GMPS: variants seen among roughly 807,000 people sequenced by gnomAD.
GMPS encodes the protein guanosine monophosphate synthase.
Under a neutral mutation model 77.9 loss-of-function variants are expected in GMPS, and 15 were observed. That is an observed-to-expected ratio of 0.19 (90% CI 0.13 to 0.30). The LOEUF (loss-of-function observed/expected upper bound fraction) is 0.30. GMPS is among the 10% of genes least tolerant of loss of function. The probability of loss-of-function intolerance (pLI) is 1.00; values close to 1 mark genes in which losing one functional copy is unlikely to be tolerated. For synonymous variants in GMPS, 224 were observed against 275.9 expected, an observed-to-expected ratio of 0.81 and a Z score of 1.86; for missense variants, 590 against 838.8, an observed-to-expected ratio of 0.70 and a Z score of 3.66.
chr3:155,912,740 C>T (rs144647765), intron 7 of GMPS, among the ~76,000 whole-genome samples: 382 of 152,216 alleles, frequency 2.5e-3, no homozygotes, highest in African/African-American at 9.0e-3. Flanking sequence ...TGGTAACTGA[C>T]ATAGCAGAAT....
intron 1 of GMPS, among the ~76,000 whole-genome samples, chr3:155,880,013 A>G (rs374737389): frequency 6.6e-6 from 1 of 151,078 alleles, no homozygotes; most frequent in African/African-American, 2.4e-5. Flanking sequence ...ATTTTCTGCC[A>G]TTCTGTAGAT....
At position 155,941,735 on chromosome 3, in the gene GMPS, G is replaced by T; in HGVS notation, c.*4043G>T. On this transcript the variant is annotated 3_prime_UTR_variant, in exon 16 of 16. Transcript: ENST00000496455. ...CACATCTTTTGTTCTTACTGAAGTA[G>T]TTTAACACCACCAGATGATCAAGGG... The T allele has an allele frequency of 4.5e-6, 1 of 221,470 alleles. No homozygotes were observed. 13.7% of individuals were successfully genotyped at this position (221,470 alleles called of 1,614,324 possible). A position where few individuals can be genotyped will look rare whatever the true frequency, so the allele number is the denominator to read the frequency against.
At chr3:155,908,284 C>A (rs978111856) in intron 5 of GMPS, among the ~76,000 whole-genome samples, 1 of 152,224 alleles carries the variant, frequency 6.6e-6, no homozygotes, top group African/African-American at 2.4e-5. Context: ...GAAGTTCTCA[C>A]CCTTTGCAGG....
At chr3:155,898,551 A>G (rs1754656029) in intron 3 of GMPS, among the ~76,000 whole-genome samples, 1 of 152,204 alleles carries the variant, frequency 6.6e-6, no homozygotes, top group Non-Finnish European at 1.5e-5. Flanking sequence ...AATATCCCTT[A>G]TAGGCCACAG....
chr3:155,885,752 A>AT (rs1754320392), intron 1 of GMPS, among the ~76,000 whole-genome samples: 1 of 152,228 alleles, frequency 6.6e-6, no homozygotes, highest in Non-Finnish European at 1.5e-5. Flanking sequence ...TTTAACCTGT[A>AT]TATAGAAAGA....
rs528628279 is a variant in GMPS at position 155,933,616 on chromosome 3, C to T, written c.1677-1300C>T. Among the ~76,000 whole-genome samples the T allele has an allele frequency of 1.4e-4, 22 of 152,158 alleles. 1 individual carries two copies. The South Asian group carries it at 3.1e-3, about 22-fold the overall frequency. The stretch of plus-strand genomic sequence containing the variant: ...AGTTGGTGATACCGGTGGTTTTGTG[C>T]TAATATGGTTTTCTATTGTGTATTT... On this transcript the variant is annotated intron_variant, in intron 13 of 15. Transcript: ENST00000496455.
chr3:155,872,919 A>G (rs1232985156), intron 1 of GMPS, among the ~76,000 whole-genome samples: 2 of 152,214 alleles, frequency 1.3e-5, no homozygotes, highest in Non-Finnish European at 2.9e-5. Flanking sequence ...GATCATAAAC[A>G]TTTTAAGTAA....
At chr3:155,888,374 A>C (rs543151182) in intron 1 of GMPS, among the ~76,000 whole-genome samples, 1 of 152,006 alleles carries the variant, frequency 6.6e-6, no homozygotes, top group African/African-American at 2.4e-5. Flanking sequence ...TGAGCTGAGG[A>C]TGTCTTTCTT....
intron 1 of GMPS, among the ~76,000 whole-genome samples, chr3:155,881,929 G>A (rs1393629070): frequency 6.6e-6 from 1 of 152,158 alleles, no homozygotes; most frequent in Non-Finnish European, 1.5e-5. Context: ...AGCCAGGCAT[G>A]GTGGTGCATG....
rs527371683 is a variant in GMPS, at chr3:155,901,488, A to G, written c.325-2375A>G. ...TTTTACTTGTTTTCTGGTGTTATACATACACAAAATTTTCTCTAGGGTAAC... is the reference window on the plus strand; with the variant it reads ...TTTTACTTGTTTTCTGGTGTTATACGTACACAAAATTTTCTCTAGGGTAAC... On this transcript the variant is annotated intron_variant, in intron 3 of 15. Transcript: ENST00000496455. Among the ~76,000 whole-genome samples, 365 of 152,188 alleles carry G rather than the reference A, an allele frequency of 2.4e-3. 1 individual carries two copies. The highest frequency in any genetic ancestry group is 8.5e-3 in the African/African-American group (353 of 41,532).
intron 11 of GMPS, among the ~76,000 whole-genome samples, chr3:155,923,671 G>T (rs1329506362): frequency 2.0e-5 from 3 of 152,144 alleles, no homozygotes; most frequent in African/African-American, 7.2e-5. Context: ...AAGTTATTTC[G>T]AGATTAAATA....
Position 155,916,131 on chromosome 3 carries a change from A to G in GMPS, c.1151A>G (p.Lys384Arg). The G allele has an allele frequency of 1.2e-6, 2 of 1,613,694 alleles. No individual in the cohort carries two copies. The highest frequency in any genetic ancestry group is 1.1e-5 in the South Asian group (1 of 91,066). ...AGTGCATCCCTTGTTGCAAGTGGCA[A>G]AGCTGAACTCATCAAAACCCATCAC... ...IESASLVASG[K>R]AELIKTHHND... The change falls in exon 9 of 16, where the codon AAA (lysine) becomes AGA (arginine). Residue 384 changes from lysine (K) to arginine (R), a missense_variant. Around this residue, in one of 6 missense-constraint regions of GMPS, gnomAD observed 64 missense variants for 114.5 expected, o/e 0.56. Transcript: ENST00000496455.
chr3:155,908,428 C>G (rs576070372), intron 5 of GMPS, among the ~76,000 whole-genome samples: 4 of 152,218 alleles, frequency 2.6e-5, no homozygotes, highest in Non-Finnish European at 5.9e-5. Context: ...TTCCATTCCC[C>G]CTTACCCTTC....
At chr3:155,917,997 T>C (rs1036864212) in intron 9 of GMPS, among the ~76,000 whole-genome samples, 1 of 152,268 alleles carries the variant, frequency 6.6e-6, no homozygotes, top group Non-Finnish European at 1.5e-5. Context: ...CTGGATCATA[T>C]GGTAGTTCTC....
chr3:155,873,780 G>T (rs1014912523), intron 1 of GMPS, among the ~76,000 whole-genome samples: 1 of 151,494 alleles, frequency 6.6e-6, no homozygotes, highest in Non-Finnish European at 1.5e-5. Flanking sequence ...AACTACAGGC[G>T]CCCGCCACCA....
intron 4 of GMPS, among the ~76,000 whole-genome samples, chr3:155,904,867 G>A (rs1754831814): frequency 6.6e-6 from 1 of 152,000 alleles, no homozygotes; most frequent in Non-Finnish European, 1.5e-5. Flanking sequence ...CTAAAATTCT[G>A]GGACTCTATC....
At chr3:155,893,442 G>C in intron 1 of GMPS, 76 bp from the exon 2 acceptor site, 1 of 934,972 alleles carries the variant, frequency 1.1e-6, no homozygotes, top group African/African-American at 1.7e-5. Context: ...AGCTGACAGT[G>C]ATCATTAATT....
chr3:155,871,139 G>A (rs1021778460), intron 1 of GMPS, among the ~76,000 whole-genome samples: 1 of 152,040 alleles, frequency 6.6e-6, no homozygotes. Flanking sequence ...GAGGGCATCA[G>A]CTCCCCGCGG....
At chr3:155,879,263 GTCTTTTT>G (rs1754148584) in intron 1 of GMPS, among the ~76,000 whole-genome samples, 1 of 135,598 alleles carries the variant, frequency 7.4e-6, no homozygotes, top group African/African-American at 2.8e-5. Context: ...TTCTGCACTT[GTCTTTTT>G]TTTTTTTTTT....
Sources: gnomAD v4.1 joint callset for allele counts (sites outside exome capture counted in the v4.1 genomes callset) on GRCh38, gnomAD v4.1.1 for gene constraint, gnomAD v4.1.1 regional missense constraint, MANE v1.5 for transcripts, NCBI Gene and HGNC (gene_info 2026-07-23, HGNC 2026-07-21) for gene names.